Variants in SARNP observed in about 807,000 individuals in gnomAD.
SARNP encodes SAP domain-containing ribonucleoprotein.
SARNP carries 5 observed loss-of-function variants against 38.1 expected under a neutral mutation model. The observed-to-expected ratio is 0.13, with a 90% CI of 0.07 to 0.28. SARNP has a LOEUF of 0.28. SARNP is among the 10% of genes least tolerant of loss of function. The pLI is 1.00. For missense variants in SARNP, 180 were observed against 243.9 expected (o/e 0.74, Z 1.75); for synonymous variants, 84 against 80.6 (o/e 1.04, Z -0.23).
At chr12:55,753,258 T>G (rs1444904711), downstream of SARNP, 2 of 152,218 alleles carry the variant, frequency 1.3e-5, no homozygotes, top group African/African-American at 4.8e-5. Flanking sequence ...CCTATTCTCC[T>G]GCAGTCCCTG....
At chr12:55,787,446 T>C (rs1481424783) in intron 9 of SARNP, among the ~76,000 whole-genome samples, 3 of 152,178 alleles carry the variant, frequency 2.0e-5, no homozygotes, top group African/African-American at 7.2e-5. Context: ...CTGATGTTTT[T>C]CTTTTTTTGA....
In SARNP at chr12:55,794,346, T is replaced by C. The variant is rs756573593; in HGVS notation, c.406+13A>G. 3.1e-6 allele frequency: 5 copies of C among 1,603,428 alleles called. No individual in the cohort carries two copies. The highest frequency in any genetic ancestry group is 1.7e-4 in the Middle Eastern group (1 of 6,038). On this transcript the variant is annotated intron_variant, in intron 7 of 10. Transcript: ENST00000336133. Reference sequence around the variant, plus strand: ...AAAAGGTAACTTTCTCAGAAGTATCTCTGTACTCTTACCTTTTGTTGGAAC... The same window carrying C: ...AAAAGGTAACTTTCTCAGAAGTATCCCTGTACTCTTACCTTTTGTTGGAAC...
chr12:55,808,144 ATATAC>A (rs1880212004), intron 1 of SARNP, among the ~76,000 whole-genome samples: 2 of 152,136 alleles, frequency 1.3e-5, no homozygotes, highest in South Asian at 4.1e-4. Flanking sequence ...AGTTCTTCTC[ATATAC>A]TAGGACGTTA....
At chr12:55,792,668 A>T (rs1879708823) in intron 7 of SARNP, 1 of 149,656 alleles carries the variant, frequency 6.7e-6, no homozygotes, top group Admixed American at 6.7e-5. Context: ...ACAGGTGTGA[A>T]CCACCGTGCC....
At chr12:55,762,891 G>A (rs762512834) in intron 9 of SARNP, among the ~76,000 whole-genome samples, 6 of 152,178 alleles carry the variant, frequency 3.9e-5, no homozygotes, top group African/African-American at 7.2e-5. Flanking sequence ...CAGCAGGCAG[G>A]AGTACTGTCT....
intron 9 of SARNP, among the ~76,000 whole-genome samples, chr12:55,777,112 A>G (rs1565674385): frequency 6.6e-6 from 1 of 152,306 alleles, no homozygotes; most frequent in South Asian, 2.1e-4. Context: ...AATAGAAAAG[A>G]GTTTTTTCTT....
chr12:55,801,753 G>A (rs1879985726), intron 2 of SARNP, among the ~76,000 whole-genome samples: 1 of 151,982 alleles, frequency 6.6e-6, no homozygotes, highest in African/African-American at 2.4e-5. Context: ...AAGTAGGTAG[G>A]ACTACAGGTG....
chr12:55,809,805 G>A (rs1341635098), intron 1 of SARNP, among the ~76,000 whole-genome samples: 5 of 151,704 alleles, frequency 3.3e-5, no homozygotes, highest in African/African-American at 1.2e-4. Context: ...TAACATTAAT[G>A]TAAAAAATAA....
At chr12:55,767,475 G>A (rs1878871716) in intron 9 of SARNP, among the ~76,000 whole-genome samples, 2 of 152,036 alleles carry the variant, frequency 1.3e-5, no homozygotes, top group African/African-American at 4.8e-5. Flanking sequence ...CTTGAGCCAA[G>A]GAGGTTGAGG....
chr12:55,780,906 T>A (rs1592565772), intron 9 of SARNP, among the ~76,000 whole-genome samples: 2 of 152,170 alleles, frequency 1.3e-5, no homozygotes, highest in African/African-American at 4.8e-5. Flanking sequence ...GAATTTCCCA[T>A]TTAATATTTT....
intron 4 of SARNP, among the ~76,000 whole-genome samples, chr12:55,799,863 C>T (rs965324831): frequency 6.7e-6 from 1 of 150,012 alleles, no homozygotes; most frequent in Non-Finnish European, 1.5e-5. Flanking sequence ...CAGTTTTACA[C>T]TTTTCCAGAA....
intron 9 of SARNP, among the ~76,000 whole-genome samples, chr12:55,785,330 A>G (rs1011126241): frequency 1.3e-5 from 2 of 152,202 alleles, no homozygotes; most frequent in Admixed American, 6.5e-5. Context: ...TCAATGATCA[A>G]CTAAAACTAA....
intron 9 of SARNP, chr12:55,761,718 C>G (rs1878680980): frequency 6.6e-6 from 1 of 152,170 alleles, no homozygotes; most frequent in Non-Finnish European, 1.5e-5. Flanking sequence ...CCCACTTTAA[C>G]AGTTATTTTC....
chr12:55,774,578 AC>A (rs60016789), intron 9 of SARNP, among the ~76,000 whole-genome samples: 9,139 of 56,314 alleles, frequency 0.16, 980 homozygotes, highest in African/African-American at 0.4. Flanking sequence ...AAAAAAACAA[AC>A]AAAAAAAAAA....
rs141366309 is a variant in SARNP, at chr12:55,814,817, C to T, written c.36+2849G>A. Among the ~76,000 whole-genome samples the T allele has an allele frequency of 4.7e-3, 709 of 151,460 alleles. 4 individuals are homozygous for T. The highest frequency in any genetic ancestry group is 0.017 in the African/African-American group (684 of 41,230). ...CTGGAAGGCGGAGGTTGCAGCGAGC[C>T]GAGATCTTGCCACTGCACTCCAACC... On this transcript the variant is annotated intron_variant, in intron 1 of 10. Coordinates refer to ENST00000336133, the MANE Select transcript of SARNP (RefSeq NM_033082.4).
chr12:55,770,169 T>C (rs769272279), intron 9 of SARNP, among the ~76,000 whole-genome samples: 1 of 151,382 alleles, frequency 6.6e-6, no homozygotes, highest in South Asian at 2.1e-4. Flanking sequence ...TATTTTAAAA[T>C]ACTCAATGTC....
At chr12:55,793,118 CT>C (rs1400892415) in intron 7 of SARNP, 1 of 152,062 alleles carries the variant, frequency 6.6e-6, no homozygotes, top group East Asian at 1.9e-4. Context: ...CCTGTCTCTA[CT>C]AATAATACAA....
intron 1 of SARNP, among the ~76,000 whole-genome samples, chr12:55,807,863 C>G (rs1880202741): frequency 6.6e-6 from 1 of 151,008 alleles, no homozygotes; most frequent in African/African-American, 2.4e-5. Context: ...CTTTCTCACA[C>G]TGATACATTA....
intron 7 of SARNP, chr12:55,793,721 A>T (rs1399248737): frequency 6.6e-6 from 1 of 152,416 alleles, no homozygotes; most frequent in African/African-American, 2.4e-5. Context: ...CTATCTATAC[A>T]TGCACTCTTA....
Sources: gnomAD v4.1 joint callset for allele counts (sites outside exome capture counted in the v4.1 genomes callset) on GRCh38, gnomAD v4.1.1 for gene constraint, MANE v1.5 for transcripts, NCBI Gene and HGNC (gene_info 2026-07-23, HGNC 2026-07-21) for gene names.